The following LARGE1 variants were observed in gnomAD, a reference collection of about 807,000 sequenced individuals.
LARGE1 encodes LARGE xylosyl- and glucuronyltransferase 1.
LARGE1 carries 43 observed loss-of-function variants against 87.6 expected under a neutral mutation model. The ratio of observed to expected loss-of-function variants is 0.49; its 90% CI spans 0.38 to 0.63. The LOEUF (loss-of-function observed/expected upper bound fraction) is 0.63, where lower values mean the gene tolerates loss of function less well. Ranked by LOEUF, LARGE1 falls within the 30% of genes least tolerant of loss-of-function variation. The pLI, the probability that LARGE1 is intolerant of heterozygous loss-of-function variation, is 0.00. For missense variants in LARGE1, 802 were observed against 1,000.2 expected, an observed-to-expected ratio of 0.80 and a Z score of 2.67; for synonymous variants, 434 against 394.6, an observed-to-expected ratio of 1.10 and a Z score of -1.18.
intron 9 of LARGE1, among the ~76,000 whole-genome samples, chr22:33,356,063 T>A (rs1940864751): frequency 6.6e-6 from 1 of 152,056 alleles, no homozygotes; most frequent in Admixed American, 6.6e-5. Flanking sequence ...TTTAAATAAG[T>A]CCAATTAACA....
At chr22:33,411,345 C>A (rs1159039092) in intron 7 of LARGE1, among the ~76,000 whole-genome samples, 1 of 152,214 alleles carries the variant, frequency 6.6e-6, no homozygotes, top group African/African-American at 2.4e-5. Flanking sequence ...AACACCTGGA[C>A]CTTTTAGTCA....
intron 6 of LARGE1, among the ~76,000 whole-genome samples, chr22:33,473,939 C>A (rs960201537): frequency 3.9e-5 from 6 of 152,294 alleles, no homozygotes; most frequent in African/African-American, 1.4e-4. Flanking sequence ...CACCATCCCA[C>A]AGTTTGAAGA....
intron 6 of LARGE1, among the ~76,000 whole-genome samples, chr22:33,508,164 C>T (rs759886642): frequency 5.7e-4 from 87 of 152,192 alleles, no homozygotes; most frequent in Non-Finnish European, 2.5e-4. Context: ...AGAATCTACA[C>T]CGAACAACAG....
At chr22:33,549,295 T>C (rs772676212) in intron 6 of LARGE1, among the ~76,000 whole-genome samples, 2 of 152,226 alleles carry the variant, frequency 1.3e-5, no homozygotes, top group Non-Finnish European at 2.9e-5. Flanking sequence ...AATCTATGTA[T>C]ATGCATTTAG....
chr22:33,469,276 C>A (rs1444051922), intron 6 of LARGE1, among the ~76,000 whole-genome samples: 1 of 152,194 alleles, frequency 6.6e-6, no homozygotes, highest in East Asian at 1.9e-4. Flanking sequence ...GGCATGGAAT[C>A]AACCTAGATG....
chr22:33,462,141 T>A (rs540033429), intron 6 of LARGE1, among the ~76,000 whole-genome samples: 1 of 152,336 alleles, frequency 6.6e-6, no homozygotes, highest in South Asian at 2.1e-4. Flanking sequence ...TGACCAGGTG[T>A]ATTTGAAAAG....
chr22:33,317,025 C>T (rs1013385544), intron 10 of LARGE1, among the ~76,000 whole-genome samples: 16 of 152,034 alleles, frequency 1.1e-4, no homozygotes, highest in Admixed American at 1.0e-3. Flanking sequence ...ACCACCCTGG[C>T]CAACGTGGGG....
downstream of LARGE1, among the ~76,000 whole-genome samples, chr22:33,159,001 G>A: frequency 6.6e-6 from 1 of 152,282 alleles, no homozygotes; most frequent in East Asian, 1.9e-4. Flanking sequence ...TTTATCAGTA[G>A]TCTGATATAT....
At chr22:33,770,546 A>G (rs1000658178) in intron 1 of LARGE1, among the ~76,000 whole-genome samples, 1 of 152,102 alleles carries the variant, frequency 6.6e-6, no homozygotes, top group Non-Finnish European at 1.5e-5. Flanking sequence ...TTAGCTGGGC[A>G]TGGTGGCATC....
intron 7 of LARGE1, among the ~76,000 whole-genome samples, chr22:33,418,903 C>T (rs190473268): frequency 2.5e-4 from 38 of 152,188 alleles, no homozygotes; most frequent in Admixed American, 1.2e-3. Flanking sequence ...TGTGTTAGTA[C>T]GAGTCAGAGA....
chr22:33,451,206 C>T (rs528744895), intron 6 of LARGE1, among the ~76,000 whole-genome samples: 1 of 152,040 alleles, frequency 6.6e-6, no homozygotes, highest in Middle Eastern at 3.4e-3. Context: ...TGGAGGCATC[C>T]AAGTTCAGGG....
intron 6 of LARGE1, among the ~76,000 whole-genome samples, chr22:33,476,810 C>G (rs2069100209): frequency 6.6e-6 from 1 of 152,006 alleles, no homozygotes; most frequent in African/African-American, 2.4e-5. Flanking sequence ...CAGAGAAACT[C>G]AAACGGCGAT....
intron 1 of LARGE1, among the ~76,000 whole-genome samples, chr22:33,881,975 T>C (rs968729334): frequency 5.3e-5 from 8 of 152,042 alleles, no homozygotes; most frequent in African/African-American, 1.9e-4. Context: ...GAGGAGGTAC[T>C]AACACCTTTG....
At chr22:33,480,824 A>G (rs1331897137) in intron 6 of LARGE1, among the ~76,000 whole-genome samples, 1 of 152,222 alleles carries the variant, frequency 6.6e-6, no homozygotes, top group Non-Finnish European at 1.5e-5. Flanking sequence ...TAACGGTAGA[A>G]TTACTATATA....
At chr22:33,743,545 C>T (rs1043970457) in intron 2 of LARGE1, among the ~76,000 whole-genome samples, 9 of 152,222 alleles carry the variant, frequency 5.9e-5, no homozygotes, top group Non-Finnish European at 2.9e-5. Context: ...ATTGCCACTA[C>T]CACCATCTAA....
intron 2 of LARGE1, among the ~76,000 whole-genome samples, chr22:33,701,682 G>T (rs954043818): frequency 6.6e-6 from 1 of 152,242 alleles, no homozygotes; most frequent in Non-Finnish European, 1.5e-5. Context: ...AAAAGTGATT[G>T]TAAGTGGATT....
intron 5 of LARGE1, among the ~76,000 whole-genome samples, chr22:33,585,034 T>G (rs1197276211): frequency 6.6e-6 from 1 of 152,090 alleles, no homozygotes; most frequent in South Asian, 2.1e-4. Context: ...TGAGAATAGC[T>G]TGAATCTGGG....
intron 7 of LARGE1, among the ~76,000 whole-genome samples, chr22:33,418,246 C>T (rs537785455): frequency 6.6e-6 from 1 of 152,288 alleles, no homozygotes; most frequent in South Asian, 2.1e-4. Flanking sequence ...TGCAGCCGGC[C>T]AGAAATTCTC....
intron 3 of LARGE1, among the ~76,000 whole-genome samples, chr22:33,643,232 A>AT (rs200864048): frequency 0.052 from 7,989 of 152,238 alleles, 629 homozygotes; most frequent in African/African-American, 0.18. Flanking sequence ...AGAGCTCAGG[A>AT]TTAAGAAACT....
Sources: gnomAD v4.1 joint callset for allele counts (sites outside exome capture counted in the v4.1 genomes callset) on GRCh38, gnomAD v4.1.1 for gene constraint, MANE v1.5 for transcripts, NCBI Gene and HGNC (gene_info 2026-07-23, HGNC 2026-07-21) for gene names.